Variants in PDCD6 observed in about 807,000 individuals in gnomAD.
The protein encoded by PDCD6 is programmed cell death protein 6.
In PDCD6, 12 loss-of-function variants were observed where a neutral mutation model predicts 28.3. The observed-to-expected ratio is 0.42, with a 90% CI of 0.27 to 0.69. PDCD6 has a LOEUF of 0.69. Among genes scored for constraint, PDCD6 ranks in the 30% least tolerant of loss-of-function variants. The probability of loss-of-function intolerance (pLI) is 0.22; values close to 1 mark genes in which losing one functional copy is unlikely to be tolerated. For missense variants in PDCD6, 226 were observed against 269.9 expected (o/e 0.84, Z 1.14); for synonymous variants, 92 against 108.0 (o/e 0.85, Z 0.92).
intron 2 of PDCD6, chr5:289,952 C>T: frequency 6.4e-7 from 1 of 1,574,112 alleles, no homozygotes. Context: ...TCCTTTTCTA[C>T]TCCTCTGAGA....
intron 2 of PDCD6, among the ~76,000 whole-genome samples, chr5:279,610 C>T (rs10062746): frequency 0.24 from 36,367 of 151,572 alleles, 6,815 homozygotes; most frequent in African/African-American, 0.53. Context: ...GAAGGCATTT[C>T]TCTATCAGTC....
chr5:312,138 G>A (rs10061296), intron 5 of PDCD6: 27,505 of 152,392 alleles, frequency 0.18, 5,541 homozygotes, highest in African/African-American at 0.5. Flanking sequence ...AGCTCTTCCC[G>A]TGCACTCCAG....
intron 2 of PDCD6, among the ~76,000 whole-genome samples, chr5:274,666 A>C (rs1157923355): frequency 1.3e-5 from 2 of 152,196 alleles, no homozygotes; most frequent in African/African-American, 4.8e-5. Context: ...CACTTACTCA[A>C]CACTCACACG....
chr5:278,275 C>T (rs1346970878), intron 2 of PDCD6, among the ~76,000 whole-genome samples: 1 of 152,108 alleles, frequency 6.6e-6, no homozygotes, highest in Non-Finnish European at 1.5e-5. Context: ...ATTCATGTGC[C>T]AGACCCTGTC....
chr5:310,949 A>G (rs569314949), intron 4 of PDCD6: 1 of 267,260 alleles, frequency 3.7e-6, no homozygotes, highest in East Asian at 1.2e-4. Flanking sequence ...TGGGTTCAGG[A>G]AACTGAGTGT....
chr5:284,735 T>C (rs1167805017), intron 2 of PDCD6, among the ~76,000 whole-genome samples: 2 of 148,552 alleles, frequency 1.3e-5, no homozygotes, highest in African/African-American at 5.1e-5. Context: ...TTCAGGGCCG[T>C]GCAGCTGGAG....
chr5:295,770 C>T lies in PDCD6; in HGVS notation c.164-8407C>T, dbSNP rs369424785. ...GAATGCAGGGGTTTGTTCCAGATCC[C>T]GCTGCTCTCCACACAGAAAGCCAAT... On this transcript the variant is annotated intron_variant, in intron 2 of 5. Transcript: ENST00000264933. 4.7e-3 allele frequency among the ~76,000 whole-genome samples: 695 copies of T among 147,114 alleles called. 2 individuals are homozygous for T. The highest frequency in any genetic ancestry group is 0.017 in the African/African-American group (683 of 40,846).
In PDCD6 at chr5:290,084, C is replaced by T; in HGVS notation, c.164-14093C>T. On this transcript the variant is annotated intron_variant, in intron 2 of 5. Coordinates refer to ENST00000264933, the MANE Select transcript of PDCD6 (RefSeq NM_013232.4). The stretch of plus-strand genomic sequence containing the variant: ...CTCAGTATTCTTTCCTTCATTTCAT[C>T]AAAGGGAATATATTCGACATTAGGG... 5 of 1,575,864 alleles carry T rather than the reference C, an allele frequency of 3.2e-6. No homozygotes were observed. The Admixed American group carries it at 8.3e-5, about 26-fold the overall frequency.
rs747781845 is a variant in PDCD6, at chr5:272,710, G to A, written c.102-1G>A. Reference sequence around the variant, plus strand: ...CTTATTTGGTCTTCTTGATGTTATAGGGTCGATAAAGACAGGAGTGGAGTG... The same window carrying A: ...CTTATTTGGTCTTCTTGATGTTATAAGGTCGATAAAGACAGGAGTGGAGTG... On this transcript the variant is annotated splice_acceptor_variant, in intron 1 of 5. Transcript: ENST00000264933. LOFTEE classifies it high-confidence loss of function. 3 of 1,573,234 alleles carry A rather than the reference G, an allele frequency of 1.9e-6. No homozygotes were observed. The highest frequency in any genetic ancestry group is 2.6e-6 in the Non-Finnish European group (3 of 1,159,580).
In PDCD6 at chr5:304,370, C is replaced by G. The variant is rs1240059545; in HGVS notation, c.208+149C>G. 11 of 1,257,756 alleles carry G rather than the reference C, an allele frequency of 8.7e-6. 1 individual carries two copies. The highest frequency in any genetic ancestry group is 4.7e-5 in the Admixed American group (2 of 42,408). 77.9% of individuals were successfully genotyped at this position (1,257,756 alleles called of 1,614,324 possible). A position where few individuals can be genotyped will look rare whatever the true frequency, so the allele number is the denominator to read the frequency against. ...AGCGTCGGCCCTTTCATCCCTCTCCCTCCGTCTCTGTACCTTTTCACATCT... is the reference window on the plus strand; with the variant it reads ...AGCGTCGGCCCTTTCATCCCTCTCCGTCCGTCTCTGTACCTTTTCACATCT... On this transcript the variant is annotated intron_variant, in intron 3 of 5. Coordinates refer to ENST00000264933, the MANE Select transcript of PDCD6 (RefSeq NM_013232.4).
intron 2 of PDCD6, among the ~76,000 whole-genome samples, chr5:298,200 A>T (rs1471725577): frequency 6.6e-6 from 1 of 152,102 alleles, no homozygotes; most frequent in African/African-American, 2.4e-5. Flanking sequence ...CCATAGCCCC[A>T]CTGTCCTTCC....
chr5:314,720 T>C lies in PDCD6; in HGVS notation c.*205T>C. 1 of 657,566 alleles carries C rather than the reference T, an allele frequency of 1.5e-6. No individual in the cohort carries two copies. Among genetic ancestry groups the C allele is most frequent in the Non-Finnish European group, 2.8e-6 (1 of 355,746 alleles). 40.7% of individuals were successfully genotyped at this position (657,566 alleles called of 1,614,324 possible). On this transcript the variant is annotated 3_prime_UTR_variant, in exon 6 of 6. Transcript: ENST00000264933. ...AGCTGTATCGTTCTAATGCAGACAT[T>C]GGATTTGGTGACTGTCTCATTGTGC...
intron 2 of PDCD6, among the ~76,000 whole-genome samples, chr5:279,449 G>T (rs1455870288): frequency 6.6e-6 from 1 of 152,058 alleles, no homozygotes; most frequent in African/African-American, 2.4e-5. Flanking sequence ...TGTGGAGCAG[G>T]CATGGTTCCC....
chr5:294,273 C>A, intron 2 of PDCD6, among the ~76,000 whole-genome samples: 1 of 139,868 alleles, frequency 7.1e-6, no homozygotes, highest in Non-Finnish European at 1.5e-5. Context: ...AAACCATGGT[C>A]TAGAAATAAA....
chr5:272,743 A>G lies in PDCD6; in HGVS notation c.134A>G (p.Asp45Gly). 6.3e-7 allele frequency: 1 copy of G among 1,589,154 alleles called. No individual in the cohort carries two copies. Among genetic ancestry groups the G allele is most frequent in the East Asian group, 2.2e-5 (1 of 44,760 alleles). ...AAAGACAGGAGTGGAGTGATATCAGACACCGAGCTTCAGCAAGCTCTCTCC... is the reference window on the plus strand; with the variant it reads ...AAAGACAGGAGTGGAGTGATATCAGGCACCGAGCTTCAGCAAGCTCTCTCC... ...VDKDRSGVIS[D>G]TELQQALSNG... Residue 45 changes from aspartate to glycine, a missense_variant, in exon 2 of 6, where the codon GAC becomes GGC. Around this residue, in one of 3 missense-constraint regions of PDCD6, gnomAD observed 72 missense variants for 71.4 expected, o/e 1.01. Coordinates refer to ENST00000264933, the MANE Select transcript of PDCD6 (RefSeq NM_013232.4).
At chr5:290,129 C>T (rs1457048948) in intron 2 of PDCD6, 2 of 1,587,670 alleles carry the variant, frequency 1.3e-6, no homozygotes, top group Non-Finnish European at 1.7e-6. Context: ...CCTCTTGGCT[C>T]AGGAGCTGAA....
intron 5 of PDCD6, among the ~76,000 whole-genome samples, chr5:313,459 G>A (rs1741054611): frequency 6.6e-6 from 1 of 151,216 alleles, no homozygotes; most frequent in East Asian, 1.9e-4. Flanking sequence ...TGGCATTCCT[G>A]CAGGGTTGTT....
intron 2 of PDCD6, among the ~76,000 whole-genome samples, chr5:274,676 G>A (rs1367735758): frequency 1.3e-5 from 2 of 152,130 alleles, no homozygotes; most frequent in African/African-American, 2.4e-5. Context: ...ACACTCACAC[G>A]CTGGGCTAGG....
intron 2 of PDCD6, among the ~76,000 whole-genome samples, chr5:286,206 G>T (rs1026700563): frequency 6.6e-6 from 1 of 150,550 alleles, no homozygotes; most frequent in Admixed American, 6.6e-5. Flanking sequence ...TGATGTTCCG[G>T]TTTGAGGGTG....
Sources: gnomAD v4.1 joint callset for allele counts (sites outside exome capture counted in the v4.1 genomes callset) on GRCh38, gnomAD v4.1.1 for gene constraint, gnomAD v4.1.1 regional missense constraint, MANE v1.5 for transcripts, NCBI Gene and HGNC (gene_info 2026-07-23, HGNC 2026-07-21) for gene names.